The following ADGRG7 variants were observed in gnomAD, a reference collection of about 807,000 sequenced individuals.
ADGRG7 encodes the protein adhesion G protein-coupled receptor G7.
Under a neutral mutation model 88.6 loss-of-function variants are expected in ADGRG7, and 82 were observed. The observed-to-expected ratio is 0.93, with a 90% CI of 0.77 to 1.11. ADGRG7 has a LOEUF of 1.11. Among genes scored for constraint, ADGRG7 ranks in the 50% most tolerant of loss-of-function variants. The pLI is 0.00. For missense variants in ADGRG7, 945 were observed against 953.4 expected (o/e 0.99, Z 0.12); for synonymous variants, 381 against 345.2 (o/e 1.10, Z -1.15).
At chr3:100,650,352 T>C (rs1268774328) in intron 11 of ADGRG7, among the ~76,000 whole-genome samples, 2 of 152,238 alleles carry the variant, frequency 1.3e-5, no homozygotes, top group Non-Finnish European at 2.9e-5. Flanking sequence ...CCATTCATTA[T>C]TTTTTGTCAC....
chr3:100,622,995 G>A (rs909143750), intron 1 of ADGRG7, among the ~76,000 whole-genome samples: 4 of 151,398 alleles, frequency 2.6e-5, no homozygotes, highest in South Asian at 4.2e-4. Context: ...AACTCCTGAC[G>A]TCAGATAATC....
intron 14 of ADGRG7, among the ~76,000 whole-genome samples, chr3:100,667,076 ATC>A (rs1384043851): frequency 1.3e-5 from 2 of 151,998 alleles, no homozygotes; most frequent in African/African-American, 2.4e-5. Flanking sequence ...TAACAATCTG[ATC>A]TCTCTTGCTT....
intron 7 of ADGRG7, 33 bp from the exon 8 acceptor site, chr3:100,643,493 A>G: frequency 1.2e-6 from 2 of 1,608,642 alleles, no homozygotes. Context: ...GATAATGTAG[A>G]CTTTTACAAT....
At chr3:100,668,586 G>A (rs2094954512) in intron 14 of ADGRG7, among the ~76,000 whole-genome samples, 1 of 152,130 alleles carries the variant, frequency 6.6e-6, no homozygotes, top group African/African-American at 2.4e-5. Context: ...TAAGGCTCAG[G>A]AAGCTCCCAG....
intron 6 of ADGRG7, among the ~76,000 whole-genome samples, chr3:100,641,209 G>A (rs1007854524): frequency 6.6e-6 from 1 of 152,200 alleles, no homozygotes; most frequent in Non-Finnish European, 1.5e-5. Flanking sequence ...CCAAAAAATG[G>A]AAGTCAATGT....
intron 6 of ADGRG7, among the ~76,000 whole-genome samples, chr3:100,638,830 C>T (rs893006066): frequency 6.6e-6 from 1 of 152,144 alleles, no homozygotes; most frequent in African/African-American, 2.4e-5. Context: ...ATAGAGGCCC[C>T]TTGTTGGTAT....
In ADGRG7 at chr3:100,695,166, T is replaced by C; in HGVS notation, c.*165T>C. On this transcript the variant is annotated 3_prime_UTR_variant, in exon 16 of 16. Coordinates refer to ENST00000273352, the MANE Select transcript of ADGRG7 (RefSeq NM_032787.3). ...TTTATTATTATTCGGCATAATGGAC[T>C]TGGTAGTTTTTCTATTTTTCAATAG... 1 of 674,702 alleles carries C rather than the reference T, an allele frequency of 1.5e-6. No homozygotes were observed. The highest frequency in any genetic ancestry group is 2.4e-6 in the Non-Finnish European group (1 of 414,090). 41.8% of individuals were successfully genotyped at this position (674,702 alleles called of 1,614,324 possible). A position where few individuals can be genotyped will look rare whatever the true frequency, so the allele number is the denominator to read the frequency against.
chr3:100,684,595 A>T (rs1377575638), intron 15 of ADGRG7, among the ~76,000 whole-genome samples: 5 of 152,102 alleles, frequency 3.3e-5, no homozygotes, highest in African/African-American at 9.7e-5. Context: ...AAAAATGTTA[A>T]ACTTTTGGCT....
At chr3:100,630,446 C>G (rs1240505897) in intron 2 of ADGRG7, among the ~76,000 whole-genome samples, 1 of 152,116 alleles carries the variant, frequency 6.6e-6, no homozygotes, top group African/African-American at 2.4e-5. Flanking sequence ...GTTACAGTAT[C>G]CTAGCTCACA....
intron 3 of ADGRG7, 123 bp downstream of exon 3, chr3:100,630,932 A>T (rs1707451449): frequency 2.3e-6 from 1 of 428,388 alleles, no homozygotes; most frequent in Non-Finnish European, 4.1e-6. Context: ...GGAAGGACTT[A>T]ACTCCCTTTC....
intron 14 of ADGRG7, among the ~76,000 whole-genome samples, chr3:100,664,126 A>T (rs1576330963): frequency 6.6e-6 from 1 of 152,142 alleles, no homozygotes; most frequent in East Asian, 1.9e-4. Flanking sequence ...TAAATTTCAG[A>T]TATACGCATT....
At chr3:100,659,301 G>A (rs756067604) in intron 13 of ADGRG7, among the ~76,000 whole-genome samples, 10 of 151,642 alleles carry the variant, frequency 6.6e-5, no homozygotes, top group South Asian at 4.2e-4. Context: ...TCAGCTGGGC[G>A]TGGTGGCGGG....
intron 15 of ADGRG7, among the ~76,000 whole-genome samples, chr3:100,687,394 C>G (rs546617767): frequency 1.8e-4 from 28 of 152,194 alleles, no homozygotes; most frequent in Non-Finnish European, 3.4e-4. Context: ...ATTGCCCTGG[C>G]CAGAACTTCC....
chr3:100,653,102 T>C (rs1011116303), intron 11 of ADGRG7, among the ~76,000 whole-genome samples: 8 of 152,242 alleles, frequency 5.3e-5, no homozygotes, highest in South Asian at 2.1e-4. Flanking sequence ...TTGATGAAAA[T>C]AAGGTTCTGA....
intron 15 of ADGRG7, among the ~76,000 whole-genome samples, chr3:100,678,768 G>A (rs1373289685): frequency 6.6e-6 from 1 of 152,192 alleles, no homozygotes; most frequent in Non-Finnish European, 1.5e-5. Context: ...GGCAGAGACT[G>A]TTCTCTTCCA....
intron 6 of ADGRG7, 171 bp downstream of exon 6, chr3:100,637,573 G>GCCTCTGGAATGTAGATAA: frequency 3.4e-6 from 2 of 585,252 alleles, no homozygotes; most frequent in Non-Finnish European, 6.1e-6. Flanking sequence ...GTTACTAGAT[G>GCCTCTGGAATGTAGATAA]GAGTGGTATA....
intron 15 of ADGRG7, among the ~76,000 whole-genome samples, chr3:100,671,239 C>T (rs191206221): frequency 2.3e-4 from 35 of 152,300 alleles, no homozygotes; most frequent in Admixed American, 2.3e-3. Flanking sequence ...TAATGATCGC[C>T]ATTCTAATTG....
At chr3:100,686,193 A>G (rs2094982332) in intron 15 of ADGRG7, among the ~76,000 whole-genome samples, 1 of 151,806 alleles carries the variant, frequency 6.6e-6, no homozygotes, top group Non-Finnish European at 1.5e-5. Flanking sequence ...GTGTCTGTTC[A>G]TATCCTTTGC....
chr3:100,658,580 G>A (rs2094940658), intron 13 of ADGRG7, among the ~76,000 whole-genome samples: 1 of 151,778 alleles, frequency 6.6e-6, no homozygotes. Context: ...GTCACCTCAG[G>A]GCCTTTGCAC....
Sources: allele counts gnomAD v4.1 joint callset (sites outside exome capture counted in the v4.1 genomes callset), GRCh38; gene constraint gnomAD v4.1.1; transcripts MANE v1.5; gene names NCBI Gene and HGNC (gene_info 2026-07-23, HGNC 2026-07-21).